Variants in NTRK3 observed in about 807,000 individuals in gnomAD.
NTRK3 encodes neurotrophic receptor tyrosine kinase 3.
In NTRK3, 24 loss-of-function variants were observed where a neutral mutation model predicts 91.7. The ratio of observed to expected loss-of-function variants is 0.26; its 90% confidence interval spans 0.19 to 0.37. The LOEUF (loss-of-function observed/expected upper bound fraction) is 0.37. Ranked by LOEUF, NTRK3 falls within the 10% of genes least tolerant of loss-of-function variation. NTRK3 has a pLI of 1.00. For synonymous variants in NTRK3, 483 were observed against 404.0 expected (o/e 1.20, Z -2.34); for missense variants, 880 against 1,068.9 (o/e 0.82, Z 2.46).
At chr15:88,036,394 G>A (rs1428365985) in intron 13 of NTRK3, among the ~76,000 whole-genome samples, 7 of 149,778 alleles carry the variant, frequency 4.7e-5, no homozygotes, top group Non-Finnish European at 1.0e-4. Flanking sequence ...ATTTGGATGG[G>A]GAACTTTTTA....
intron 14 of NTRK3, among the ~76,000 whole-genome samples, chr15:87,951,869 G>A (rs1489590591): frequency 6.6e-6 from 1 of 152,182 alleles, no homozygotes; most frequent in Non-Finnish European, 1.5e-5. Flanking sequence ...GCTCACACCT[G>A]TAATCCCAGC....
intron 14 of NTRK3, among the ~76,000 whole-genome samples, chr15:88,007,905 C>A (rs1269891540): frequency 6.6e-6 from 1 of 152,150 alleles, no homozygotes; most frequent in Non-Finnish European, 1.5e-5. Flanking sequence ...CATTTCTAGA[C>A]CTTTGTTACC....
rs1156740473 is a variant in NTRK3, at chr15:88,056,201, TA to T, written c.1397-23157del. Reference sequence around the variant, plus strand: ...ATATATATATATATATATATATATATATTTTTTTTTTAATGTAGAACCTTGA... The same window carrying T: ...ATATATATATATATATATATATATATTTTTTTTTTTAATGTAGAACCTTGA... On this transcript the variant is annotated intron_variant, in intron 13 of 18. Transcript: ENST00000394480. Among the ~76,000 whole-genome samples, 449 of 91,474 alleles carry T rather than the reference TA, an allele frequency of 4.9e-3. 3 individuals carry two copies. The highest frequency in any genetic ancestry group is 0.019 in the African/African-American group (416 of 21,596). The allele number at this position is 91,474 out of a possible 152,430, so 60.0% of individuals were successfully genotyped here.
At chr15:88,052,804 A>G (rs1372903773) in intron 13 of NTRK3, among the ~76,000 whole-genome samples, 1 of 152,198 alleles carries the variant, frequency 6.6e-6, no homozygotes, top group Non-Finnish European at 1.5e-5. Flanking sequence ...GAGGTGCAGC[A>G]ACGGAAGCAC....
At chr15:87,954,487 T>C (rs1452885741) in intron 14 of NTRK3, among the ~76,000 whole-genome samples, 1 of 152,172 alleles carries the variant, frequency 6.6e-6, no homozygotes, top group Non-Finnish European at 1.5e-5. Context: ...CAAACATATA[T>C]GAATCTCCGA....
intron 3 of NTRK3, among the ~76,000 whole-genome samples, chr15:88,192,404 C>T (rs1317035080): frequency 6.6e-6 from 1 of 152,140 alleles, no homozygotes; most frequent in Non-Finnish European, 1.5e-5. Flanking sequence ...GCTGCCTGGG[C>T]TGGCACAGGA....
intron 13 of NTRK3, among the ~76,000 whole-genome samples, chr15:88,057,777 A>C (rs1478564320): frequency 6.6e-6 from 1 of 152,208 alleles, no homozygotes; most frequent in Non-Finnish European, 1.5e-5. Flanking sequence ...CCTCTTGCAG[A>C]ACACCTTTTG....
chr15:87,943,225 G>A (rs2070082805), intron 14 of NTRK3, among the ~76,000 whole-genome samples: 1 of 152,100 alleles, frequency 6.6e-6, no homozygotes, highest in African/African-American at 2.4e-5. Flanking sequence ...TTCTTTGGTG[G>A]GGTGGGAAAT....
chr15:88,235,076 G>A lies in NTRK3; in HGVS notation c.248+20830C>T, dbSNP rs1321670335. ...CCAGACGCCCTACCCTTACACAAAG[G>A]CAGCCTCCTCACCTCCCCATCATGC... On this transcript the variant is annotated intron_variant, in intron 3 of 18. Transcript: ENST00000394480. This position sits in a 1 kb window ranked among gnomAD's most constrained non-coding sequence, Gnocchi z 5.2. 6.6e-6 allele frequency among the ~76,000 whole-genome samples: 1 copy of A among 152,040 alleles called. No homozygotes were observed. Among genetic ancestry groups the A allele is most frequent in the Non-Finnish European group, 1.5e-5 (1 of 68,004 alleles).
intron 17 of NTRK3, among the ~76,000 whole-genome samples, chr15:87,897,068 C>G (rs1306405970): frequency 6.6e-6 from 1 of 152,186 alleles, no homozygotes; most frequent in African/African-American, 2.4e-5. Flanking sequence ...AGTGGAACGG[C>G]TGTCTCAGTC....
At chr15:87,862,244 A>G (rs1482454959) in exon 19 of NTRK3, 1 of 223,470 alleles carries the variant, frequency 4.5e-6, no homozygotes, top group African/African-American at 2.2e-5. Context: ...GGATGGCTAC[A>G]TCTTAGACCC....
chr15:88,084,649 A>T (rs1315966674), intron 13 of NTRK3, among the ~76,000 whole-genome samples: 1 of 152,122 alleles, frequency 6.6e-6, no homozygotes, highest in African/African-American at 2.4e-5. Flanking sequence ...CTTTCCCCCA[A>T]CCCTCTCACC....
At chr15:88,230,228 G>A (rs139948129) in intron 3 of NTRK3, among the ~76,000 whole-genome samples, 7 of 152,330 alleles carry the variant, frequency 4.6e-5, no homozygotes, top group African/African-American at 7.2e-5. Flanking sequence ...TTTGGGTGAC[G>A]CTCTTCTTCC....
At chr15:88,042,816 C>G (rs1390540838) in intron 13 of NTRK3, among the ~76,000 whole-genome samples, 3 of 152,160 alleles carry the variant, frequency 2.0e-5, no homozygotes, top group African/African-American at 7.2e-5. Flanking sequence ...GAAATTCAAG[C>G]TCAAGGCTTC....
At chr15:88,250,284 G>A (rs943769471) in intron 3 of NTRK3, among the ~76,000 whole-genome samples, 20 of 152,182 alleles carry the variant, frequency 1.3e-4, no homozygotes, top group African/African-American at 4.6e-4. Context: ...TTCCATTTGT[G>A]AGCTATGACA....
chr15:87,959,209 CTGACT>C (rs1158781967), intron 14 of NTRK3, among the ~76,000 whole-genome samples: 1 of 152,180 alleles, frequency 6.6e-6, no homozygotes, highest in Non-Finnish European at 1.5e-5. Flanking sequence ...AATTATCTTC[CTGACT>C]TATTTGTTTG....
At chr15:88,171,677 T>C (rs1404854761) in intron 5 of NTRK3, among the ~76,000 whole-genome samples, 1 of 152,168 alleles carries the variant, frequency 6.6e-6, no homozygotes, top group East Asian at 1.9e-4. Flanking sequence ...TTTCCTTGTG[T>C]CCTAGGAAGG....
chr15:87,881,113 G>A (rs1289565938), intron 17 of NTRK3, among the ~76,000 whole-genome samples: 1 of 152,166 alleles, frequency 6.6e-6, no homozygotes, highest in East Asian at 1.9e-4. Context: ...GAAAGCCAAG[G>A]GGAAAAGGAA....
chr15:87,976,617 T>C (rs138697386), intron 14 of NTRK3, among the ~76,000 whole-genome samples: 2 of 152,290 alleles, frequency 1.3e-5, no homozygotes, highest in Non-Finnish European at 2.9e-5. Context: ...ATTTCAACTC[T>C]TCTAGCTGTG....
Sources: allele counts gnomAD v4.1 joint callset (sites outside exome capture counted in the v4.1 genomes callset), GRCh38; gene constraint gnomAD v4.1.1; non-coding constraint Gnocchi (gnomAD v3.1); transcripts MANE v1.5; gene names NCBI Gene and HGNC (gene_info 2026-07-23, HGNC 2026-07-21).